Variants in PCDH17 observed in about 807,000 individuals in gnomAD.
PCDH17 encodes the protein protocadherin-17.
A neutral mutation model predicts 67.7 loss-of-function variants in PCDH17; 21 were observed. That is an observed-to-expected ratio of 0.31 (90% CI 0.22 to 0.45). The LOEUF (loss-of-function observed/expected upper bound fraction) is 0.45, where lower values mean the gene tolerates loss of function less well. Ranked by LOEUF, PCDH17 falls within the 20% of genes least tolerant of loss-of-function variation. The probability of loss-of-function intolerance (pLI) is 1.00; values close to 1 mark genes in which losing one functional copy is unlikely to be tolerated. For missense variants in PCDH17, 1,471 were observed against 1,564.8 expected (o/e 0.94, Z 1.01); for synonymous variants, 701 against 656.7 (o/e 1.07, Z -1.03).
At chr13:57,666,385 T>C in intron 1 of PCDH17, 83 bp from the exon 2 acceptor site, 1 of 1,045,504 alleles carries the variant, frequency 9.6e-7, no homozygotes. Flanking sequence ...TTATTAATCA[T>C]TTTTCCACTA....
intron 3 of PCDH17, among the ~76,000 whole-genome samples, chr13:57,708,134 A>G (rs1223176365): frequency 6.6e-6 from 1 of 152,040 alleles, no homozygotes; most frequent in Non-Finnish European, 1.5e-5. Flanking sequence ...AATATATGAC[A>G]TATTTTGAAT....
At chr13:57,698,788 G>A (rs1445931659) in intron 3 of PCDH17, among the ~76,000 whole-genome samples, 15 of 151,928 alleles carry the variant, frequency 9.9e-5, no homozygotes, top group Admixed American at 9.9e-4. Context: ...CAGAGTGAAA[G>A]AACTCAAATG....
chr13:57,662,391 C>T (rs1481834881), intron 1 of PCDH17, among the ~76,000 whole-genome samples: 2 of 152,100 alleles, frequency 1.3e-5, no homozygotes, highest in Non-Finnish European at 2.9e-5. Flanking sequence ...ATATATCTCT[C>T]CATTTATTTA....
At chr13:57,702,175 C>G (rs761453760) in intron 3 of PCDH17, among the ~76,000 whole-genome samples, 2 of 152,060 alleles carry the variant, frequency 1.3e-5, no homozygotes, top group Non-Finnish European at 2.9e-5. Flanking sequence ...CCTCGGCCTC[C>G]CAAAGTGCTG....
chr13:57,633,596 C>T lies in PCDH17; in HGVS notation c.1050C>T (p.Ser350=), dbSNP rs1232390843. The change falls in exon 1 of 4, where the codon TCC becomes TCT. Residue 350 remains serine (S), a synonymous_variant. Coordinates refer to ENST00000377918, the MANE Select transcript of PCDH17 (RefSeq NM_001040429.3). The surrounding 1 kb of genome is among the most constrained non-coding windows in gnomAD (Gnocchi z 6.2). ...TCGACCGCAACGACAATGCGCCGTC[C>T]ATCGGTTTCGTCTCCGTGCGCCAGG... The part of the protein sequence containing the change: ...KLIDRNDNAP[S]IGFVSVRQGA... The T allele has an allele frequency of 6.2e-7, 1 of 1,612,848 alleles. No individual in the cohort carries two copies. Among genetic ancestry groups the T allele is most frequent in the African/African-American group, 1.3e-5 (1 of 75,072 alleles).
At chr13:57,652,746 G>T (rs1242612174) in intron 1 of PCDH17, among the ~76,000 whole-genome samples, 1 of 152,146 alleles carries the variant, frequency 6.6e-6, no homozygotes. Flanking sequence ...TTTACAGCCA[G>T]CTAGGAATAC....
At chr13:57,669,983 A>G (rs1417057230) in intron 3 of PCDH17, among the ~76,000 whole-genome samples, 1 of 152,028 alleles carries the variant, frequency 6.6e-6, no homozygotes, top group Non-Finnish European at 1.5e-5. Flanking sequence ...TTTAATTCTC[A>G]TGGCATTTAT....
Position 57,633,579 on chromosome 13 carries a change from AACG to A in PCDH17, c.1036_1038del (p.Asp346del), listed in dbSNP as rs1954763839. 6.2e-7 allele frequency: 1 copy of A among 1,613,398 alleles called. No homozygotes were observed. The highest frequency in any genetic ancestry group is 8.5e-7 in the Non-Finnish European group (1 of 1,180,028). On this transcript the variant is annotated inframe_deletion, in exon 1 of 4. Coordinates refer to ENST00000377918, the MANE Select transcript of PCDH17 (RefSeq NM_001040429.3). The surrounding 1 kb of genome is among the most constrained non-coding windows in gnomAD (Gnocchi z 6.2). The stretch of plus-strand genomic sequence containing the variant: ...AGTCACGGTCAAGCTCATCGACCGC[AACG>A]ACAATGCGCCGTCCATCGGTTTCGT...
At chr13:57,661,222 G>T (rs1478811106) in intron 1 of PCDH17, among the ~76,000 whole-genome samples, 1 of 152,020 alleles carries the variant, frequency 6.6e-6, no homozygotes, top group Non-Finnish European at 1.5e-5. Flanking sequence ...TCATTTTATT[G>T]TAATTGTGAT....
chr13:57,690,771 T>C (rs551825400), intron 3 of PCDH17, among the ~76,000 whole-genome samples: 1 of 151,604 alleles, frequency 6.6e-6, no homozygotes, highest in Non-Finnish European at 1.5e-5. Context: ...TGTAGTATCA[T>C]TTATGTGTGA....
intron 3 of PCDH17, among the ~76,000 whole-genome samples, chr13:57,689,356 G>T (rs1955536088): frequency 6.6e-6 from 1 of 151,958 alleles, no homozygotes; most frequent in Non-Finnish European, 1.5e-5. Context: ...ACAAAGTCCA[G>T]CATGGCTGAG....
At position 57,632,764 on chromosome 13, in the gene PCDH17, A is replaced by G; in HGVS notation, c.218A>G (p.His73Arg). 1 of 1,612,848 alleles carries G rather than the reference A, an allele frequency of 6.2e-7. No individual in the cohort carries two copies. The highest frequency in any genetic ancestry group is 1.1e-5 in the South Asian group (1 of 91,066). Residue 73 changes from histidine to arginine, a missense_variant, in exon 1 of 4, where the codon CAC becomes CGC. Physicochemically the swap from His to Arg is conservative, Grantham distance 29. Coordinates refer to ENST00000377918, the MANE Select transcript of PCDH17 (RefSeq NM_001040429.3). Reference sequence around the variant, plus strand: ...CGGGTGCTGGAGAACTCCGCACCGCACCTGCTGGACGTGGACGCAGACAGC... The same window carrying G: ...CGGGTGCTGGAGAACTCCGCACCGCGCCTGCTGGACGTGGACGCAGACAGC... Reference protein sequence around the residue: ...SYRVLENSAPHLLDVDADSGL... With the variant: ...SYRVLENSAPRLLDVDADSGL...
chr13:57,635,084 C>T lies in PCDH17; in HGVS notation c.2538C>T (p.Thr846=). The part of the protein sequence containing the change: ...FTGQGTNASE[T]PATRMSIIQT... ...GACAAGGGACTAATGCAAGCGAGAC[C>T]CCTGCCACTCGGATGTCCATAATTC... The change falls in exon 1 of 4, where the codon ACC becomes ACT. Residue 846 remains threonine (T), a synonymous_variant. Coordinates refer to ENST00000377918, the MANE Select transcript of PCDH17 (RefSeq NM_001040429.3). The T allele has an allele frequency of 1.2e-6, 2 of 1,613,486 alleles. No individual in the cohort carries two copies. Among genetic ancestry groups the T allele is most frequent in the Non-Finnish European group, 8.5e-7 (1 of 1,179,984 alleles).
intron 1 of PCDH17, among the ~76,000 whole-genome samples, chr13:57,640,418 A>G (rs922537592): frequency 2.6e-4 from 40 of 152,020 alleles, no homozygotes. Flanking sequence ...TATATTTTCA[A>G]TATAGTGTAT....
chr13:57,710,624 T>A (rs138889128), intron 3 of PCDH17, among the ~76,000 whole-genome samples: 2 of 152,074 alleles, frequency 1.3e-5, no homozygotes, highest in African/African-American at 4.8e-5. Context: ...CTGGATATCA[T>A]CCAAGTCTCT....
chr13:57,695,757 C>G (rs544471225), intron 3 of PCDH17, among the ~76,000 whole-genome samples: 3 of 151,360 alleles, frequency 2.0e-5, no homozygotes, highest in South Asian at 2.1e-4. Context: ...ATATTCAGCT[C>G]TTTACTTATA....
chr13:57,670,993 G>A (rs756535965), intron 3 of PCDH17, among the ~76,000 whole-genome samples: 9 of 151,834 alleles, frequency 5.9e-5, no homozygotes, highest in Non-Finnish European at 1.0e-4. Context: ...TAATAAACCC[G>A]TTAGTAGAAA....
chr13:57,717,481 G>T (rs553154012), intron 3 of PCDH17, among the ~76,000 whole-genome samples: 1 of 152,010 alleles, frequency 6.6e-6, no homozygotes, highest in African/African-American at 2.4e-5. Context: ...TGTCCAAAGG[G>T]TCACAGACAC....
At position 57,727,269 on chromosome 13, in the gene PCDH17, G is replaced by A. The variant is rs1054852852; in HGVS notation, c.*1975G>A. The A allele has an allele frequency of 6.6e-6, 1 of 152,500 alleles. No individual in the cohort carries two copies. The allele number at this position is 152,500 out of a possible 1,614,324, so 9.4% of individuals were successfully genotyped here. ...TTAAATAAAGGCTGTTTGAGCACTGGAGCAGAAAAATGCATTATTTGCAAA... is the reference window on the plus strand; with the variant it reads ...TTAAATAAAGGCTGTTTGAGCACTGAAGCAGAAAAATGCATTATTTGCAAA... On this transcript the variant is annotated 3_prime_UTR_variant, in exon 4 of 4. Transcript: ENST00000377918.
Sources: allele counts gnomAD v4.1 joint callset (sites outside exome capture counted in the v4.1 genomes callset), GRCh38; gene constraint gnomAD v4.1.1; non-coding constraint Gnocchi (gnomAD v3.1); transcripts MANE v1.5; gene names NCBI Gene and HGNC (gene_info 2026-07-23, HGNC 2026-07-21).